The following CNTNAP2 variants were observed in gnomAD, a reference collection of about 807,000 sequenced individuals.
CNTNAP2 encodes the protein contactin-associated protein-like 2.
Under a neutral mutation model 155.2 loss-of-function variants are expected in CNTNAP2, and 98 were observed. That is an observed-to-expected ratio of 0.63 (90% CI 0.54 to 0.75). CNTNAP2 has a LOEUF of 0.75. Among genes scored for constraint, CNTNAP2 ranks in the 30% least tolerant of loss-of-function variants. CNTNAP2 has a pLI of 0.00. For synonymous variants in CNTNAP2, 651 were observed against 631.2 expected, an observed-to-expected ratio of 1.03 and a Z score of -0.47; for missense variants, 1,727 against 1,688.1, an observed-to-expected ratio of 1.02 and a Z score of -0.40.
At chr7:146,565,336 TAC>T (rs1798341109) in intron 1 of CNTNAP2, among the ~76,000 whole-genome samples, 1 of 152,174 alleles carries the variant, frequency 6.6e-6, no homozygotes, top group Non-Finnish European at 1.5e-5. Flanking sequence ...AAAAAATAAG[TAC>T]TCCTCTTTAG....
intron 13 of CNTNAP2, among the ~76,000 whole-genome samples, chr7:147,734,641 G>C (rs1796806482): frequency 6.6e-6 from 1 of 152,138 alleles, no homozygotes; most frequent in Admixed American, 6.5e-5. Flanking sequence ...GAATCTGTCT[G>C]GTCCTGCACA....
At chr7:147,313,106 GTTGT>G (rs1258879433) in intron 9 of CNTNAP2, among the ~76,000 whole-genome samples, 3 of 136,630 alleles carry the variant, frequency 2.2e-5, no homozygotes, top group Non-Finnish European at 4.6e-5. Context: ...TTTTGATGGG[GTTGT>G]TTGTTTTTTT....
At chr7:146,643,295 C>T (rs1469095988) in intron 1 of CNTNAP2, among the ~76,000 whole-genome samples, 2 of 151,686 alleles carry the variant, frequency 1.3e-5, no homozygotes, top group Non-Finnish European at 2.9e-5. Context: ...GGTTTTAGGT[C>T]TAACGTTTAA....
intron 21 of CNTNAP2, among the ~76,000 whole-genome samples, chr7:148,325,243 C>T (rs533079387): frequency 4.6e-5 from 7 of 152,298 alleles, no homozygotes; most frequent in Admixed American, 1.3e-4. Flanking sequence ...ACGTTTATGG[C>T]CTCAGTGCCT....
chr7:146,447,773 C>A (rs1281018675), intron 1 of CNTNAP2, among the ~76,000 whole-genome samples: 2 of 151,794 alleles, frequency 1.3e-5, no homozygotes, highest in Non-Finnish European at 2.9e-5. Flanking sequence ...AATAAACATC[C>A]TAAAATGGTT....
At chr7:147,875,578 TAAAAC>T (rs1163712784) in intron 13 of CNTNAP2, among the ~76,000 whole-genome samples, 1 of 151,686 alleles carries the variant, frequency 6.6e-6, no homozygotes, top group Admixed American at 6.6e-5. Context: ...CTGGGGAAAA[TAAAAC>T]AAAGTAATTT....
chr7:147,703,979 A>G (rs1055683762), intron 13 of CNTNAP2, among the ~76,000 whole-genome samples: 1 of 152,124 alleles, frequency 6.6e-6, no homozygotes, highest in Non-Finnish European at 1.5e-5. Flanking sequence ...CATGCCTGGC[A>G]TATTTCTTTT....
At chr7:146,560,037 G>C (rs1228023264) in intron 1 of CNTNAP2, among the ~76,000 whole-genome samples, 1 of 151,990 alleles carries the variant, frequency 6.6e-6, no homozygotes, top group Non-Finnish European at 1.5e-5. Flanking sequence ...ACTTTTATTT[G>C]CTTGCAGAAA....
At chr7:146,491,899 T>C (rs2129131328) in intron 1 of CNTNAP2, among the ~76,000 whole-genome samples, 1 of 152,234 alleles carries the variant, frequency 6.6e-6, no homozygotes, top group Non-Finnish European at 1.5e-5. Context: ...TATATAAGCC[T>C]GCAGAAAGTG....
intron 15 of CNTNAP2, among the ~76,000 whole-genome samples, chr7:147,980,040 G>A (rs2888541): frequency 0.46 from 69,538 of 152,006 alleles, 16,588 homozygotes; most frequent in East Asian, 0.75. Flanking sequence ...TAATAAATCA[G>A]CCTCAGGAAG....
rs1200790181 is a variant in CNTNAP2, at chr7:147,168,253, T to C, written c.1348+35744T>C. ...CTTGAAAATTTGTGTATATAAAATA[T>C]ATGTATAAAACTCAATTCAAAGATA... On this transcript the variant is annotated intron_variant, in intron 8 of 23. Transcript: ENST00000361727. Among the ~76,000 whole-genome samples, 9 of 151,498 alleles carry C rather than the reference T, an allele frequency of 5.9e-5. No individual in the cohort carries two copies. In the South Asian group the frequency reaches 8.3e-4, roughly 14 times the overall value.
Position 147,300,302 on chromosome 7 carries a change from A to T in CNTNAP2, c.1498+12A>T. 6.2e-7 allele frequency: 1 copy of T among 1,613,718 alleles called. No homozygotes were observed. Among genetic ancestry groups the T allele is most frequent in the Non-Finnish European group, 8.5e-7 (1 of 1,179,752 alleles). Reference sequence around the variant, plus strand: ...GTACTTTTTTGGAGGTAAGAATGCCATTCCTTTTTGGTTACTAATCCATTG... The same window carrying T: ...GTACTTTTTTGGAGGTAAGAATGCCTTTCCTTTTTGGTTACTAATCCATTG... On this transcript the variant is annotated intron_variant, in intron 9 of 23. Transcript: ENST00000361727.
At chr7:147,322,400 G>A (rs996120991) in intron 9 of CNTNAP2, among the ~76,000 whole-genome samples, 1 of 152,168 alleles carries the variant, frequency 6.6e-6, no homozygotes, top group African/African-American at 2.4e-5. Context: ...TATAGTTTGT[G>A]TGCTCAATTG....
At chr7:146,769,119 A>C (rs1802249713) in intron 1 of CNTNAP2, among the ~76,000 whole-genome samples, 1 of 152,212 alleles carries the variant, frequency 6.6e-6, no homozygotes, top group Admixed American at 6.5e-5. Context: ...AATAAAACTC[A>C]AGGCCCATCT....
At chr7:147,810,774 T>A (rs1798167178) in intron 13 of CNTNAP2, among the ~76,000 whole-genome samples, 1 of 152,182 alleles carries the variant, frequency 6.6e-6, no homozygotes, top group South Asian at 2.1e-4. Flanking sequence ...CCCAATTTCG[T>A]TTTTAATTTA....
chr7:147,913,946 A>G (rs915788110), intron 14 of CNTNAP2, among the ~76,000 whole-genome samples: 1 of 152,170 alleles, frequency 6.6e-6, no homozygotes, highest in Non-Finnish European at 1.5e-5. Flanking sequence ...GGGAATTGCC[A>G]TCAAAACTTG....
At chr7:146,883,464 G>A (rs1349444526) in intron 3 of CNTNAP2, among the ~76,000 whole-genome samples, 1 of 152,074 alleles carries the variant, frequency 6.6e-6, no homozygotes, top group East Asian at 1.9e-4. Flanking sequence ...ACATGTGTGT[G>A]CACATGCATA....
intron 14 of CNTNAP2, among the ~76,000 whole-genome samples, chr7:147,965,344 CA>C (rs1226738166): frequency 1.3e-5 from 2 of 152,048 alleles, no homozygotes; most frequent in African/African-American, 4.8e-5. Context: ...AGTCTATATA[CA>C]AAATTGCTTA....
intron 1 of CNTNAP2, among the ~76,000 whole-genome samples, chr7:146,569,620 C>T (rs1350613902): frequency 1.3e-5 from 2 of 152,156 alleles, no homozygotes; most frequent in Admixed American, 6.6e-5. Context: ...TTTTCATTTT[C>T]ATAAATTCAG....
Sources: gnomAD v4.1 joint callset for allele counts (sites outside exome capture counted in the v4.1 genomes callset) on GRCh38, gnomAD v4.1.1 for gene constraint, MANE v1.5 for transcripts, NCBI Gene and HGNC (gene_info 2026-07-23, HGNC 2026-07-21) for gene names.